The following CCDC150 variants were observed in gnomAD, a reference collection of about 807,000 sequenced individuals.
CCDC150 encodes the protein coiled-coil domain containing 150.
In CCDC150, 151 loss-of-function variants were observed where a neutral mutation model predicts 156.5. That is an observed-to-expected ratio of 0.97 (90% confidence interval 0.85 to 1.10). CCDC150 has a LOEUF of 1.10. CCDC150 is among the 50% of genes least tolerant of loss of function. CCDC150 has a pLI of 0.00. For missense variants in CCDC150, 1,312 were observed against 1,268.1 expected (o/e 1.03, Z -0.53); for synonymous variants, 452 against 429.4 (o/e 1.05, Z -0.65).
rs769386204 is a variant in CCDC150 at position 196,731,974 on chromosome 2, CA to C, written c.3070-58del. The C allele has an allele frequency of 3.0e-5, 46 of 1,549,536 alleles. No individual in the cohort carries two copies. The Admixed American group carries it at 8.6e-4, about 29-fold the overall frequency. The stretch of plus-strand genomic sequence containing the variant: ...AAGTAAAAAATCTCTGCAACTAATA[CA>C]CAAAAAAACTTGTAACTCTTTCTTT... On this transcript the variant is annotated intron_variant, in intron 26 of 27. Coordinates refer to ENST00000389175, the MANE Select transcript of CCDC150 (RefSeq NM_001080539.2).
chr2:196,649,136 A>G (rs1407173570), intron 2 of CCDC150, among the ~76,000 whole-genome samples: 1 of 152,156 alleles, frequency 6.6e-6, no homozygotes, highest in East Asian at 1.9e-4. Flanking sequence ...TTGTGGTTCC[A>G]TATGAATTTT....
At chr2:196,722,422 T>G (rs562201992) in intron 21 of CCDC150, among the ~76,000 whole-genome samples, 89 of 148,858 alleles carry the variant, frequency 6.0e-4, no homozygotes, top group Middle Eastern at 3.4e-3. Flanking sequence ...ACTACAGGCA[T>G]GCATCACCAC....
At chr2:196,694,448 T>C (rs1695686686) in intron 13 of CCDC150, among the ~76,000 whole-genome samples, 1 of 152,064 alleles carries the variant, frequency 6.6e-6, no homozygotes, top group South Asian at 2.1e-4. Context: ...ACTATATAAT[T>C]TACGATATCC....
In CCDC150 at chr2:196,701,111, T is replaced by C; in HGVS notation, c.1626T>C (p.Leu542=). 2 of 1,606,868 alleles carry C rather than the reference T, an allele frequency of 1.2e-6. No individual in the cohort carries two copies. The highest frequency in any genetic ancestry group is 1.7e-6 in the Non-Finnish European group (2 of 1,176,714). ...GATGCCTTTGTTTGCCTTATCAGCT[T>C]GCCCAACAGAAGGTGGAAAAAATCA... The part of the protein sequence containing the change: ...LQQVTSDYHG[L]AQQKVEKITE... The change falls in exon 15 of 28, where the codon CTT becomes CTC. Residue 542 remains leucine (L), a splice_region_variant and synonymous_variant. Coordinates refer to ENST00000389175, the MANE Select transcript of CCDC150 (RefSeq NM_001080539.2).
chr2:196,675,392 G>T (rs1459861116), intron 10 of CCDC150, among the ~76,000 whole-genome samples: 5 of 151,868 alleles, frequency 3.3e-5, no homozygotes, highest in Non-Finnish European at 4.4e-5. Flanking sequence ...TCAAAATTTT[G>T]GAATATAACA....
At position 196,700,882 on chromosome 2, in the gene CCDC150, T is replaced by C. The variant is rs78443290; in HGVS notation, c.1624-227T>C. Among the ~76,000 whole-genome samples, 476 of 152,206 alleles carry C rather than the reference T, an allele frequency of 3.1e-3. 3 individuals carry two copies. The highest frequency in any genetic ancestry group is 0.011 in the African/African-American group (440 of 41,518). ...AAGTTAATATACAAAACCAACAAAC[T>C]CTGGTACTCTTAAAGCTTCATGCTT... On this transcript the variant is annotated intron_variant, in intron 14 of 27. Coordinates refer to ENST00000389175, the MANE Select transcript of CCDC150 (RefSeq NM_001080539.2).
In CCDC150 at chr2:196,676,233, G is replaced by C. The variant is rs1694495758; in HGVS notation, c.1228G>C (p.Val410Leu). The part of the protein sequence containing the change: ...HASITNELQT[V>L]QNEKTQLQAH... ...CAGTATCACAAATGAACTACAGACT[G>C]TTCAGAATGAGAAAACCCAACTCCA... Residue 410 changes from valine to leucine, a missense_variant, in exon 11 of 28, where the codon GTT (valine) becomes CTT (leucine). Transcript: ENST00000389175. 2 of 1,613,574 alleles carry C rather than the reference G, an allele frequency of 1.2e-6. No homozygotes were observed. Among genetic ancestry groups the C allele is most frequent in the East Asian group, 4.5e-5 (2 of 44,862 alleles).
At chr2:196,694,972 G>T (rs1695728683) in intron 13 of CCDC150, 74 bp from the exon 14 acceptor site, 3 of 768,216 alleles carry the variant, frequency 3.9e-6, no homozygotes, top group Non-Finnish European at 4.3e-6. Flanking sequence ...AGTTGTAATT[G>T]TCATTTTAAA....
chr2:196,679,088 G>T (rs1317803913), intron 13 of CCDC150, among the ~76,000 whole-genome samples: 3 of 152,148 alleles, frequency 2.0e-5, no homozygotes, highest in Admixed American at 2.0e-4. Context: ...TGCTTATAGA[G>T]AATCTCATTT....
chr2:196,713,765 T>A (rs1697299909), intron 17 of CCDC150: 9 of 1,318,462 alleles, frequency 6.8e-6, no homozygotes, highest in Middle Eastern at 2.5e-4. Context: ...ATATAATGCT[T>A]GAAGATATGA....
chr2:196,696,012 C>G (rs1441765215), intron 14 of CCDC150, among the ~76,000 whole-genome samples: 3 of 152,148 alleles, frequency 2.0e-5, no homozygotes, highest in Non-Finnish European at 4.4e-5. Context: ...GTCTTTCAAA[C>G]TGTTATAAGC....
At chr2:196,691,199 T>C (rs550784273) in intron 13 of CCDC150, among the ~76,000 whole-genome samples, 21 of 152,334 alleles carry the variant, frequency 1.4e-4, no homozygotes, top group African/African-American at 5.1e-4. Flanking sequence ...CAGGTTTTGG[T>C]ATCAGGATGC....
chr2:196,669,812 A>G, intron 7 of CCDC150, 21 bp from the exon 8 acceptor site: 1 of 1,531,324 alleles, frequency 6.5e-7, no homozygotes, highest in Non-Finnish European at 9.0e-7. Flanking sequence ...TATCATAGTT[A>G]TGTGGAATTT....
chr2:196,688,618 G>C (rs1367978587), intron 13 of CCDC150, among the ~76,000 whole-genome samples: 1 of 152,004 alleles, frequency 6.6e-6, no homozygotes, highest in Non-Finnish European at 1.5e-5. Context: ...AAATTTGTTT[G>C]AGTTCACTGT....
chr2:196,664,430 A>G (rs1000119123), intron 5 of CCDC150, among the ~76,000 whole-genome samples: 17 of 152,328 alleles, frequency 1.1e-4, no homozygotes, highest in African/African-American at 4.1e-4. Context: ...CCCATTTGTT[A>G]TAGAGGATAT....
rs1334490856 is a variant in CCDC150, at chr2:196,707,047, C to T, written c.1696-5098C>T. Among the ~76,000 whole-genome samples the T allele has an allele frequency of 3.9e-5, 6 of 152,216 alleles. No homozygotes were observed. The East Asian group carries it at 1.2e-3, about 29-fold the overall frequency. On this transcript the variant is annotated intron_variant, in intron 15 of 27. Transcript: ENST00000389175. ...TCATAAAATGTGTTAGGGAGGATTC[C>T]CTCTTTTTCTATTGATTGGGATAGT...
At chr2:196,717,543 T>G (rs1043660103) in intron 17 of CCDC150, among the ~76,000 whole-genome samples, 19 of 152,170 alleles carry the variant, frequency 1.2e-4, no homozygotes, top group African/African-American at 4.6e-4. Context: ...TGTATGCATG[T>G]CAATTTCCTG....
chr2:196,675,752 G>C (rs1694457186), intron 10 of CCDC150, among the ~76,000 whole-genome samples: 1 of 151,994 alleles, frequency 6.6e-6, no homozygotes, highest in African/African-American at 2.4e-5. Flanking sequence ...GAGAGGAAAG[G>C]ATCTTTTCAC....
chr2:196,704,474 A>C (rs77338856), intron 15 of CCDC150, among the ~76,000 whole-genome samples: 17,379 of 152,250 alleles, frequency 0.11, 1,102 homozygotes, highest in Middle Eastern at 0.19. Context: ...ACTGGGTTTT[A>C]GGATGTGCAT....
Sources: gnomAD v4.1 joint callset for allele counts (sites outside exome capture counted in the v4.1 genomes callset) on GRCh38, gnomAD v4.1.1 for gene constraint, MANE v1.5 for transcripts, NCBI Gene and HGNC (gene_info 2026-07-23, HGNC 2026-07-21) for gene names.